VRK2: variants seen among roughly 807,000 people sequenced by gnomAD.
VRK2 encodes the protein serine/threonine-protein kinase VRK2.
Under a neutral mutation model 57.6 loss-of-function variants are expected in VRK2, and 60 were observed. The observed-to-expected ratio is 1.04, with a 90% CI of 0.85 to 1.29. VRK2 has a LOEUF of 1.29. Ranked by LOEUF, VRK2 falls within the 50% of genes most tolerant of loss-of-function variation. The pLI is 0.00. For synonymous variants in VRK2, 231 were observed against 199.2 expected, an observed-to-expected ratio of 1.16 and a Z score of -1.35; for missense variants, 705 against 588.1, an observed-to-expected ratio of 1.20 and a Z score of -2.06.
At chr2:57,908,234 G>C (rs1669885383) in intron 1 of VRK2, among the ~76,000 whole-genome samples, 3 of 152,144 alleles carry the variant, frequency 2.0e-5, no homozygotes, top group African/African-American at 7.2e-5. Context: ...GTTTTCATTA[G>C]GATGACCACA....
intron 11 of VRK2, among the ~76,000 whole-genome samples, chr2:58,143,776 C>T (rs1317530813): frequency 6.6e-6 from 1 of 151,798 alleles, no homozygotes; most frequent in African/African-American, 2.4e-5. Context: ...TATCTGCACT[C>T]CCATGTTCAT....
chr2:58,059,184 C>T (rs1425799048), intron 2 of VRK2, among the ~76,000 whole-genome samples: 2 of 151,950 alleles, frequency 1.3e-5, no homozygotes, highest in Non-Finnish European at 2.9e-5. Flanking sequence ...GGAACAATTA[C>T]ATTAAAAATG....
At chr2:57,924,352 G>T (rs1441800737) in intron 1 of VRK2, among the ~76,000 whole-genome samples, 1 of 151,980 alleles carries the variant, frequency 6.6e-6, no homozygotes, top group African/African-American at 2.4e-5. Context: ...TCCAATCCAA[G>T]AACTTGGAAT....
chr2:57,972,387 A>C (rs1312757456), intron 1 of VRK2, among the ~76,000 whole-genome samples: 1 of 151,902 alleles, frequency 6.6e-6, no homozygotes, highest in African/African-American at 2.4e-5. Context: ...AATAACATTA[A>C]TGTGTTTATT....
intron 7 of VRK2, among the ~76,000 whole-genome samples, chr2:58,104,001 A>T (rs1322261423): frequency 1.3e-5 from 2 of 151,844 alleles, no homozygotes; most frequent in Admixed American, 1.3e-4. Context: ...TGCAGAAAAA[A>T]AGCATGTGAT....
chr2:58,002,869 A>T (rs551164852), intron 1 of VRK2, among the ~76,000 whole-genome samples: 2 of 152,320 alleles, frequency 1.3e-5, no homozygotes, highest in South Asian at 4.1e-4. Flanking sequence ...TTGGAAATTA[A>T]TCTGCTAACA....
Position 58,136,831 on chromosome 2 carries a change from T to G in VRK2, c.856+1632T>G, listed in dbSNP as rs192351569. Among the ~76,000 whole-genome samples, 29 of 140,470 alleles carry G rather than the reference T, an allele frequency of 2.1e-4. No homozygotes were observed. In the East Asian group the frequency reaches 5.6e-3, roughly 27 times the overall value. 92.2% of individuals were successfully genotyped at this position (140,470 alleles called of 152,430 possible). A position where few individuals can be genotyped will look rare whatever the true frequency, so the allele number is the denominator to read the frequency against. On this transcript the variant is annotated intron_variant, in intron 10 of 12. Transcript: ENST00000340157. ...TATATATATCATATATGTGTGTATA[T>G]ATATCATATATATTATATCATATAT...
chr2:58,141,684 T>A (rs72953119), intron 11 of VRK2, among the ~76,000 whole-genome samples: 1 of 151,978 alleles, frequency 6.6e-6, no homozygotes, highest in East Asian at 1.9e-4. Flanking sequence ...GCATAAGATA[T>A]GGGCTCACCA....
At chr2:58,044,707 G>A (rs1200214207), upstream of VRK2, among the ~76,000 whole-genome samples, 1 of 152,138 alleles carries the variant, frequency 6.6e-6, no homozygotes, top group African/African-American at 2.4e-5. Context: ...CAGTCTATAC[G>A]GATACCAGGT....
At chr2:58,012,990 C>T (rs1324732010) in intron 1 of VRK2, among the ~76,000 whole-genome samples, 1 of 151,990 alleles carries the variant, frequency 6.6e-6, no homozygotes, top group African/African-American at 2.4e-5. Context: ...CAAATTGTAA[C>T]TTGGAAGAAG....
intron 1 of VRK2, among the ~76,000 whole-genome samples, chr2:58,021,706 T>A (rs1484544219): frequency 1.3e-5 from 2 of 152,180 alleles, no homozygotes; most frequent in African/African-American, 4.8e-5. Context: ...TTCAGCATTT[T>A]CTTTATTTTT....
At chr2:58,139,426 C>T (rs1040978303) in intron 10 of VRK2, among the ~76,000 whole-genome samples, 9 of 151,938 alleles carry the variant, frequency 5.9e-5, no homozygotes, top group African/African-American at 1.9e-4. Flanking sequence ...GAATTATAAG[C>T]GTATCAACAA....
intron 1 of VRK2, among the ~76,000 whole-genome samples, chr2:57,927,388 T>C (rs964913399): frequency 1.3e-5 from 2 of 151,910 alleles, no homozygotes; most frequent in African/African-American, 4.8e-5. Flanking sequence ...GAGATTCTCC[T>C]GCCTCAGCCT....
At chr2:57,932,376 C>T (rs1572875953) in intron 1 of VRK2, among the ~76,000 whole-genome samples, 2 of 152,062 alleles carry the variant, frequency 1.3e-5, no homozygotes. Flanking sequence ...AATCCTTACT[C>T]GTTATTCATC....
intron 7 of VRK2, among the ~76,000 whole-genome samples, chr2:58,103,723 G>A (rs1027508442): frequency 6.6e-6 from 1 of 151,668 alleles, no homozygotes; most frequent in African/African-American, 2.4e-5. Flanking sequence ...TCAAGGAAGA[G>A]GAAATTCTCC....
At chr2:58,062,077 G>C (rs1677427051) in intron 2 of VRK2, among the ~76,000 whole-genome samples, 1 of 151,980 alleles carries the variant, frequency 6.6e-6, no homozygotes, top group Non-Finnish European at 1.5e-5. Context: ...CCAGCAGCGT[G>C]GGCTTCATGC....
At chr2:57,971,570 C>G (rs962244649) in intron 1 of VRK2, among the ~76,000 whole-genome samples, 5 of 151,724 alleles carry the variant, frequency 3.3e-5, no homozygotes, top group Non-Finnish European at 5.9e-5. Flanking sequence ...TTTTATTTAT[C>G]TATTTATGTA....
At chr2:58,126,741 A>G (rs187241364) in intron 8 of VRK2, among the ~76,000 whole-genome samples, 29 of 152,192 alleles carry the variant, frequency 1.9e-4, no homozygotes, top group African/African-American at 7.0e-4. Flanking sequence ...TATTTCTTCT[A>G]TAATTTTTTT....
chr2:57,910,378 T>C (rs1669949554), intron 1 of VRK2, among the ~76,000 whole-genome samples: 1 of 152,172 alleles, frequency 6.6e-6, no homozygotes, highest in African/African-American at 2.4e-5. Flanking sequence ...ACGCTCAGCT[T>C]TGAAAATAAG....
Sources: allele counts gnomAD v4.1 joint callset (sites outside exome capture counted in the v4.1 genomes callset), GRCh38; gene constraint gnomAD v4.1.1; transcripts MANE v1.5; gene names NCBI Gene and HGNC (gene_info 2026-07-23, HGNC 2026-07-21).